PLD5: variants seen among roughly 807,000 people sequenced by gnomAD.
PLD5 encodes the protein phospholipase D family member 5.
In PLD5, 36 loss-of-function variants were observed where a neutral mutation model predicts 61.1. The observed-to-expected ratio is 0.59, with a 90% confidence interval of 0.45 to 0.78. PLD5 has a LOEUF of 0.78. Ranked by LOEUF, PLD5 falls within the 30% of genes least tolerant of loss-of-function variation. The probability of loss-of-function intolerance (pLI) is 0.00; values close to 1 mark genes in which losing one functional copy is unlikely to be tolerated. For missense variants in PLD5, 515 were observed against 644.4 expected (o/e 0.80, Z 2.17); for synonymous variants, 243 against 242.8 (o/e 1.00, Z -0.01).
intron 1 of PLD5, among the ~76,000 whole-genome samples, chr1:242,414,979 C>A (rs1185997455): frequency 6.6e-6 from 1 of 152,172 alleles, no homozygotes; most frequent in Non-Finnish European, 1.5e-5. Flanking sequence ...AAATGCAAAT[C>A]TCTTCACCAC....
intron 4 of PLD5, among the ~76,000 whole-genome samples, chr1:242,249,208 C>T (rs1422413845): frequency 2.0e-5 from 3 of 152,134 alleles, no homozygotes; most frequent in Non-Finnish European, 4.4e-5. Flanking sequence ...AACCATTGGG[C>T]TCCTCCCTTT....
At chr1:242,304,949 C>T (rs559229743) in intron 2 of PLD5, among the ~76,000 whole-genome samples, 142 of 152,152 alleles carry the variant, frequency 9.3e-4, no homozygotes, top group Middle Eastern at 3.4e-3. Context: ...ACAAAAAATA[C>T]AAAAACATTA....
At chr1:242,234,783 G>A (rs1037427797) in intron 4 of PLD5, among the ~76,000 whole-genome samples, 2 of 152,022 alleles carry the variant, frequency 1.3e-5, no homozygotes, top group Admixed American at 6.6e-5. Flanking sequence ...CTGCCAATAA[G>A]CCTAACTGGG....
intron 1 of PLD5, among the ~76,000 whole-genome samples, chr1:242,407,639 G>C (rs1051674750): frequency 2.7e-4 from 41 of 151,326 alleles, no homozygotes; most frequent in African/African-American, 9.2e-4. Flanking sequence ...GAGTGCAGTG[G>C]GGCAATCTCA....
intron 4 of PLD5, among the ~76,000 whole-genome samples, chr1:242,230,238 G>C (rs1199571858): frequency 1.3e-5 from 2 of 152,064 alleles, no homozygotes; most frequent in Non-Finnish European, 2.9e-5. Flanking sequence ...TTTTAATTCA[G>C]TATTTAACAT....
At chr1:242,404,209 G>T (rs61845871) in intron 1 of PLD5, among the ~76,000 whole-genome samples, 10,791 of 152,246 alleles carry the variant, frequency 0.071, 533 homozygotes, top group Admixed American at 0.15. Context: ...TGCTATGAAA[G>T]AATAAAACAG....
At chr1:242,512,347 G>C (rs1383410132) in intron 1 of PLD5, among the ~76,000 whole-genome samples, 1 of 150,814 alleles carries the variant, frequency 6.6e-6, no homozygotes. Context: ...ATGAACCTGA[G>C]AGGCAGAGCT....
chr1:242,090,717 T>C (rs964419340), intron 9 of PLD5, among the ~76,000 whole-genome samples: 6 of 152,172 alleles, frequency 3.9e-5, no homozygotes, highest in Non-Finnish European at 7.4e-5. Context: ...TTCGTGTTTT[T>C]AGGGCTGCCA....
chr1:242,421,865 A>G (rs1253725380), intron 1 of PLD5, among the ~76,000 whole-genome samples: 1 of 152,236 alleles, frequency 6.6e-6, no homozygotes, highest in Non-Finnish European at 1.5e-5. Flanking sequence ...ATCCTTGTGA[A>G]ATGCAAATAT....
chr1:242,213,797 C>T (rs1201465823), intron 5 of PLD5, among the ~76,000 whole-genome samples: 1 of 150,924 alleles, frequency 6.6e-6, no homozygotes, highest in Non-Finnish European at 1.5e-5. Context: ...ATTTTTCCCA[C>T]CAAACACTCC....
chr1:242,402,536 A>C (rs1258494139), intron 1 of PLD5, among the ~76,000 whole-genome samples: 1 of 152,234 alleles, frequency 6.6e-6, no homozygotes, highest in Non-Finnish European at 1.5e-5. Context: ...CTAATTCATC[A>C]GAAGCTTAAT....
intron 1 of PLD5, among the ~76,000 whole-genome samples, chr1:242,503,822 G>T (rs1464355532): frequency 6.6e-6 from 1 of 152,110 alleles, no homozygotes; most frequent in African/African-American, 2.4e-5. Flanking sequence ...GCCGTTGATG[G>T]CATTTTAACA....
chr1:242,357,600 C>T (rs1660828285), intron 1 of PLD5, among the ~76,000 whole-genome samples: 1 of 151,796 alleles, frequency 6.6e-6, no homozygotes, highest in South Asian at 2.1e-4. Flanking sequence ...ATTCTTCTGC[C>T]TCAGCCTCCC....
intron 5 of PLD5, among the ~76,000 whole-genome samples, chr1:242,158,244 G>C (rs576943708): frequency 6.6e-6 from 1 of 152,284 alleles, no homozygotes; most frequent in South Asian, 2.1e-4. Flanking sequence ...AGTTTGCTGG[G>C]TTTTGTTGGT....
chr1:242,529,794 C>CCTT, the PLD5 span, among the ~76,000 whole-genome samples: 1 of 143,392 alleles, frequency 7.0e-6, no homozygotes, highest in Non-Finnish European at 1.5e-5. Flanking sequence ...TTCCTTCCTT[C>CCTT]CTTCCTTCCT....
intron 2 of PLD5, among the ~76,000 whole-genome samples, chr1:242,303,208 C>T (rs1398258198): frequency 6.6e-6 from 1 of 152,322 alleles, no homozygotes; most frequent in Non-Finnish European, 1.5e-5. Context: ...CAAATACATG[C>T]TGACTCTCCT....
chr1:242,267,219 A>G (rs1209037123), intron 3 of PLD5, among the ~76,000 whole-genome samples: 1 of 139,064 alleles, frequency 7.2e-6, no homozygotes, highest in Non-Finnish European at 1.6e-5. Context: ...GAAAGGGAGA[A>G]ACTGAAGATC....
At chr1:242,464,726 A>C (rs1667222018) in intron 1 of PLD5, among the ~76,000 whole-genome samples, 1 of 152,214 alleles carries the variant, frequency 6.6e-6, no homozygotes, top group Non-Finnish European at 1.5e-5. Context: ...TACCATCACC[A>C]TGGTCAGCAG....
Position 242,089,742 on chromosome 1 carries a change from TAA to T in PLD5, c.*110_*111del, listed in dbSNP as rs1444660106. 3 of 1,352,374 alleles carry T rather than the reference TAA, an allele frequency of 2.2e-6. No individual in the cohort carries two copies. The highest frequency in any genetic ancestry group is 2.3e-5 in the East Asian group (1 of 43,346). 83.8% of individuals were successfully genotyped at this position (1,352,374 alleles called of 1,614,324 possible). On this transcript the variant is annotated 3_prime_UTR_variant, in exon 10 of 10. Coordinates refer to ENST00000536534, the MANE Select transcript of PLD5 (RefSeq NM_001372062.1). ...TGTGTTGTTCAGAGAATATTTTTTATAAGTGTGCTTTTTCCCTAAAAAAAGAG... is the reference window on the plus strand; with the variant it reads ...TGTGTTGTTCAGAGAATATTTTTTATGTGTGCTTTTTCCCTAAAAAAAGAG...
Sources: gnomAD v4.1 joint callset for allele counts (sites outside exome capture counted in the v4.1 genomes callset) on GRCh38, gnomAD v4.1.1 for gene constraint, MANE v1.5 for transcripts, NCBI Gene and HGNC (gene_info 2026-07-23, HGNC 2026-07-21) for gene names.